The following ZNF737 variants were observed in gnomAD, a reference collection of about 807,000 sequenced individuals.
ZNF737 encodes the protein zinc finger protein 737.
Under a neutral mutation model 11.7 loss-of-function variants are expected in ZNF737, and 13 were observed. The ratio of observed to expected loss-of-function variants is 1.11; its 90% confidence interval spans 0.73 to 1.77. The LOEUF (loss-of-function observed/expected upper bound fraction) is 1.77. ZNF737 is among the 40% of genes most tolerant of loss of function. ZNF737 has a pLI of 0.00. For missense variants in ZNF737, 636 were observed against 638.0 expected (o/e 1.00, Z 0.03); for synonymous variants, 217 against 216.2 (o/e 1.00, Z -0.03).
Position 20,539,729 on chromosome 19 carries a change from A to C in ZNF737, c.*4863T>G, listed in dbSNP as rs1968123698. 4.1e-6 allele frequency: 4 copies of C among 982,514 alleles called. No individual in the cohort carries two copies. The highest frequency in any genetic ancestry group is 4.8e-6 in the Non-Finnish European group (4 of 827,278). 60.9% of individuals were successfully genotyped at this position (982,514 alleles called of 1,614,324 possible). On this transcript the variant is annotated 3_prime_UTR_variant, in exon 4 of 4. Transcript: ENST00000427401. ...TTTTCAAATATGAAAACAGACAATT[A>C]GGTATACTTTTTGAAGTAAGTTCAA...
chr19:20,553,945 C>G, intron 1 of ZNF737, 110 bp from the exon 2 acceptor site: 1 of 1,302,418 alleles, frequency 7.7e-7, no homozygotes, highest in African/African-American at 1.5e-5. Flanking sequence ...ACTTATAGGA[C>G]TGACTAAAAT....
downstream of ZNF737, among the ~76,000 whole-genome samples, chr19:20,531,452 T>TGTTA (rs1466391145): frequency 2.4e-5 from 2 of 81,942 alleles, no homozygotes; most frequent in Non-Finnish European, 4.4e-5. Context: ...ACCATCATTT[T>TGTTA]GTTAGTTTGT....
chr19:20,537,167 A>T (rs573340199), downstream of ZNF737, among the ~76,000 whole-genome samples: 2 of 150,982 alleles, frequency 1.3e-5, no homozygotes, highest in Non-Finnish European at 2.9e-5. Context: ...CGTGTCAAAC[A>T]CTGTTATTTG....
rs1555756755 is a variant in ZNF737 at position 20,545,554 on chromosome 19, T to G, written c.649A>C (p.Thr217Pro). 4 of 1,613,672 alleles carry G rather than the reference T, an allele frequency of 2.5e-6. No individual in the cohort carries two copies. Among genetic ancestry groups the G allele is most frequent in the Non-Finnish European group, 3.4e-6 (4 of 1,179,872 alleles). The change falls in exon 4 of 4, where the codon ACT becomes CCT. Residue 217 changes from threonine (T) to proline (P), a missense_variant. Transcript: ENST00000427401. ...GKAFNWSSHLTTHKRIHTGEK... is the reference protein window; with the variant it reads ...GKAFNWSSHLPTHKRIHTGEK... ...CCAGTATGAATTCTCTTATGTGTAG[T>G]AAGGTGTGAGGACCAGTTGAAGGCT...
intron 3 of ZNF737, among the ~76,000 whole-genome samples, chr19:20,550,443 A>G (rs1968620525): frequency 1.3e-5 from 2 of 152,234 alleles, no homozygotes. Context: ...TATTGTCTTC[A>G]ATATTTGAAT....
In ZNF737 at chr19:20,539,027, G is replaced by A. The variant is rs981534206; in HGVS notation, c.*5565C>T. 60 of 984,516 alleles carry A rather than the reference G, an allele frequency of 6.1e-5. 1 individual carries two copies. In the South Asian group the frequency reaches 2.2e-3, roughly 36 times the overall value. 61.0% of individuals were successfully genotyped at this position (984,516 alleles called of 1,614,324 possible). A position where few individuals can be genotyped will look rare whatever the true frequency, so the allele number is the denominator to read the frequency against. On this transcript the variant is annotated 3_prime_UTR_variant, in exon 4 of 4. Transcript: ENST00000427401. ...CAAAATTATTCTGGCTGGGAAAAGTGGCTCATGCCTGTAATCCCAGCACTC... is the reference window on the plus strand; with the variant it reads ...CAAAATTATTCTGGCTGGGAAAAGTAGCTCATGCCTGTAATCCCAGCACTC...
rs1269775009 is a variant in ZNF737, at chr19:20,540,239, C to G, written c.*4353G>C. On this transcript the variant is annotated 3_prime_UTR_variant, in exon 4 of 4. Coordinates refer to ENST00000427401, the MANE Select transcript of ZNF737 (RefSeq NM_001159293.2). ...GCAGGGGTGTTTTTCTGTGATGTGT[C>G]TCTTTCTCTTAAAAGCACCTCTGAT... The G allele has an allele frequency of 4.1e-6, 3 of 737,374 alleles. No individual in the cohort carries two copies. Among genetic ancestry groups the G allele is most frequent in the East Asian group, 2.6e-4 (2 of 7,686 alleles). 45.7% of individuals were successfully genotyped at this position (737,374 alleles called of 1,614,324 possible).
rs1555754792 is a variant in ZNF737, at chr19:20,540,141, AT to A, written c.*4450del. The A allele has an allele frequency of 2.0e-6, 2 of 985,066 alleles. No homozygotes were observed. Among genetic ancestry groups the A allele is most frequent in the African/African-American group, 3.5e-5 (2 of 57,132 alleles). 61.0% of individuals were successfully genotyped at this position (985,066 alleles called of 1,614,324 possible). ...GCAGAAATGATGGCAAGATACAAAC[AT>A]TTTTCCCGCCATGTGGCCACCATAA... On this transcript the variant is annotated 3_prime_UTR_variant, in exon 4 of 4. Coordinates refer to ENST00000427401, the MANE Select transcript of ZNF737 (RefSeq NM_001159293.2).
chr19:20,531,565 C>A (rs1302575706), downstream of ZNF737, among the ~76,000 whole-genome samples: 2 of 149,382 alleles, frequency 1.3e-5, no homozygotes, highest in Non-Finnish European at 3.0e-5. Context: ...CAACAATTAT[C>A]CTGCCTCTGC....
intron 1 of ZNF737, among the ~76,000 whole-genome samples, chr19:20,556,561 C>G (rs2144676762): frequency 1.3e-5 from 2 of 152,298 alleles, no homozygotes; most frequent in South Asian, 4.1e-4. Context: ...AAAACAAGTT[C>G]CCTGTCAATG....
At chr19:20,548,929 G>A (rs1599415056) in intron 3 of ZNF737, among the ~76,000 whole-genome samples, 1 of 88,454 alleles carries the variant, frequency 1.1e-5, no homozygotes, top group Non-Finnish European at 2.0e-5. Context: ...TTTATATTAC[G>A]TGTTTTTAAG....
In ZNF737 at chr19:20,545,126, G is replaced by A. The variant is rs33926; in HGVS notation, c.1077C>T (p.His359=). Residue 359 remains histidine, a synonymous_variant, in exon 4 of 4, where the codon CAC becomes CAT. Transcript: ENST00000427401. The part of the protein sequence containing the change: ...AFKYFSSLTT[H]KIIHSGEKPY... Reference sequence around the variant, plus strand: ...GTTTCTCTCCACTATGAATTATCTTGTGTGTAGTAAGGGATGAGAAGTACT... The same window carrying A: ...GTTTCTCTCCACTATGAATTATCTTATGTGTAGTAAGGGATGAGAAGTACT... 0.52 allele frequency: 834,013 copies of A among 1,602,196 alleles called. 217,483 individuals are homozygous for A. Among genetic ancestry groups the A allele is most frequent in the East Asian group, 0.64 (28,435 of 44,306 alleles).
chr19:20,543,923 T>C lies in ZNF737; in HGVS notation c.*669A>G, dbSNP rs954240463. The C allele has an allele frequency of 9.8e-6, 8 of 819,524 alleles. No homozygotes were observed. The highest frequency in any genetic ancestry group is 1.2e-5 in the Non-Finnish European group (8 of 679,788). The allele number at this position is 819,524 out of a possible 1,614,324, so 50.8% of individuals were successfully genotyped here. A position where few individuals can be genotyped will look rare whatever the true frequency, so the allele number is the denominator to read the frequency against. On this transcript the variant is annotated 3_prime_UTR_variant, in exon 4 of 4. Transcript: ENST00000427401. ...TGGGTGGATCACCTGAGGTCAGGAG[T>C]TCGAGACCAGCCTGGCAAACATGGC...
At chr19:20,534,683 G>A (rs1233444357), downstream of ZNF737, among the ~76,000 whole-genome samples, 2 of 149,438 alleles carry the variant, frequency 1.3e-5, no homozygotes, top group African/African-American at 2.5e-5. Context: ...TACTTTTCTG[G>A]TAGTAGATCA....
At chr19:20,530,402 G>A in the ZNF737 span, among the ~76,000 whole-genome samples, 2 of 148,642 alleles carry the variant, frequency 1.3e-5, no homozygotes, top group East Asian at 2.1e-4. Flanking sequence ...CTGGCCTGAC[G>A]GGGGCTGACC....
chr19:20,551,554 A>G (rs1409851655), intron 3 of ZNF737, among the ~76,000 whole-genome samples: 4 of 152,102 alleles, frequency 2.6e-5, no homozygotes, highest in African/African-American at 4.8e-5. Flanking sequence ...GTACATTAAA[A>G]CCTGTCTAAA....
downstream of ZNF737, among the ~76,000 whole-genome samples, chr19:20,537,762 A>C (rs1238612562): frequency 6.7e-6 from 1 of 149,616 alleles, no homozygotes; most frequent in Non-Finnish European, 1.5e-5. Context: ...TGATCCACCC[A>C]CCTCGGCCTC....
intron 1 of ZNF737, among the ~76,000 whole-genome samples, chr19:20,561,031 T>C (rs10854029): frequency 0.76 from 115,435 of 151,542 alleles, 44,025 homozygotes; most frequent in East Asian, 0.82. Flanking sequence ...CAAAACAAAC[T>C]CATGTGTACC....
At chr19:20,531,073 C>T (rs1401840941), downstream of ZNF737, among the ~76,000 whole-genome samples, 27 of 146,766 alleles carry the variant, frequency 1.8e-4, 2 homozygotes, top group Non-Finnish European at 1.8e-4. Context: ...CAAAAAAATA[C>T]GAAAACCAGT....
Sources: gnomAD v4.1 joint callset for allele counts (sites outside exome capture counted in the v4.1 genomes callset) on GRCh38, gnomAD v4.1.1 for gene constraint, MANE v1.5 for transcripts, NCBI Gene and HGNC (gene_info 2026-07-23, HGNC 2026-07-21) for gene names.